The following ANKRD6 variants were observed in gnomAD, a reference collection of about 807,000 sequenced individuals.
ANKRD6 encodes the protein ankyrin repeat domain 6, also known as ankyrin repeat domain-containing protein 6.
Under a neutral mutation model 82.3 loss-of-function variants are expected in ANKRD6, and 56 were observed. The ratio of observed to expected loss-of-function variants is 0.68; its 90% CI spans 0.55 to 0.85. The LOEUF is 0.85. Ranked by LOEUF, ANKRD6 falls within the 40% of genes least tolerant of loss-of-function variation. The pLI is 0.00. For missense variants in ANKRD6, 852 were observed against 907.6 expected (o/e 0.94, Z 0.79); for synonymous variants, 347 against 352.1 (o/e 0.99, Z 0.16).
intron 2 of ANKRD6, among the ~76,000 whole-genome samples, chr6:89,567,435 G>A (rs1788778732): frequency 6.6e-6 from 1 of 152,160 alleles, no homozygotes. Context: ...CTCCCGGGGA[G>A]GTGGACCAGC....
At chr6:89,462,915 C>A (rs1362906586) in intron 1 of ANKRD6, among the ~76,000 whole-genome samples, 1 of 149,832 alleles carries the variant, frequency 6.7e-6, no homozygotes. Flanking sequence ...TGTTACCCAG[C>A]CTGAAATGCA....
At chr6:89,609,163 A>G (rs904928572) in intron 5 of ANKRD6, among the ~76,000 whole-genome samples, 1 of 152,226 alleles carries the variant, frequency 6.6e-6, no homozygotes, top group Non-Finnish European at 1.5e-5. Flanking sequence ...CTCATGGATC[A>G]AAAGCTTGAG....
chr6:89,606,852 CGTGGGGGCAG>C (rs2128194060), intron 5 of ANKRD6, among the ~76,000 whole-genome samples: 1 of 115,528 alleles, frequency 8.7e-6, no homozygotes, highest in East Asian at 2.8e-4. Flanking sequence ...GAGAGACTGT[CGTGGGGGCAG>C]GTGGGGGCGG....
intron 1 of ANKRD6, among the ~76,000 whole-genome samples, chr6:89,558,004 GTAA>G (rs1786858943): frequency 6.6e-6 from 1 of 152,076 alleles, no homozygotes; most frequent in African/African-American, 2.4e-5. Flanking sequence ...ATATTATAAT[GTAA>G]TAATAGAAAT....
At chr6:89,465,735 T>C (rs1307731281) in intron 1 of ANKRD6, among the ~76,000 whole-genome samples, 11 of 152,134 alleles carry the variant, frequency 7.2e-5, no homozygotes, top group Admixed American at 6.6e-4. Context: ...TGGTAGCACA[T>C]ACCTGTGGTC....
At chr6:89,588,459 A>C (rs1794216336) in intron 2 of ANKRD6, among the ~76,000 whole-genome samples, 1 of 152,208 alleles carries the variant, frequency 6.6e-6, no homozygotes, top group Admixed American at 6.5e-5. Flanking sequence ...TCTTGAAGAA[A>C]AGAAGCTTTA....
chr6:89,551,716 G>C (rs1420224538), intron 1 of ANKRD6, among the ~76,000 whole-genome samples: 1 of 152,196 alleles, frequency 6.6e-6, no homozygotes, highest in Non-Finnish European at 1.5e-5. Context: ...AGAGTCTTAA[G>C]CTTTGTAATT....
At chr6:89,471,161 G>A (rs1360372011) in intron 1 of ANKRD6, among the ~76,000 whole-genome samples, 1 of 151,788 alleles carries the variant, frequency 6.6e-6, no homozygotes, top group Non-Finnish European at 1.5e-5. Context: ...GACCACCCTG[G>A]CCAACATGGC....
chr6:89,521,125 G>C (rs1781835581), intron 1 of ANKRD6, among the ~76,000 whole-genome samples: 1 of 152,174 alleles, frequency 6.6e-6, no homozygotes, highest in African/African-American at 2.4e-5. Flanking sequence ...TTTTAAATAA[G>C]TATTAAAACT....
chr6:89,518,538 A>C (rs1428064616), intron 1 of ANKRD6, among the ~76,000 whole-genome samples: 1 of 152,190 alleles, frequency 6.6e-6, no homozygotes, highest in Non-Finnish European at 1.5e-5. Context: ...TTCCCTGAGG[A>C]AGAAATGATG....
intron 12 of ANKRD6, 164 bp from the exon 13 acceptor site, chr6:89,624,375 C>T (rs1804834096): frequency 2.2e-6 from 2 of 891,906 alleles, no homozygotes; most frequent in South Asian, 3.6e-5. Flanking sequence ...GTCTGCTACA[C>T]CCAAAATTTG....
At chr6:89,621,037 T>C (rs1337445081) in intron 9 of ANKRD6, among the ~76,000 whole-genome samples, 6 of 151,988 alleles carry the variant, frequency 3.9e-5, no homozygotes, top group African/African-American at 1.2e-4. Flanking sequence ...CCACTGCACT[T>C]CAGCCTGGGG....
intron 1 of ANKRD6, among the ~76,000 whole-genome samples, chr6:89,554,117 T>C (rs1230908127): frequency 1.3e-5 from 2 of 152,202 alleles, no homozygotes; most frequent in African/African-American, 4.8e-5. Flanking sequence ...TAGAAGGCAT[T>C]CCTATTTCCT....
intron 1 of ANKRD6, among the ~76,000 whole-genome samples, chr6:89,507,532 A>G (rs1039188727): frequency 1.3e-5 from 2 of 152,236 alleles, no homozygotes; most frequent in Non-Finnish European, 2.9e-5. Flanking sequence ...GAATTAAGCT[A>G]GCCTAATTAG....
intron 1 of ANKRD6, among the ~76,000 whole-genome samples, chr6:89,465,370 C>T (rs903302290): frequency 6.6e-6 from 1 of 152,036 alleles, no homozygotes; most frequent in Non-Finnish European, 1.5e-5. Flanking sequence ...ATCCGCCCAC[C>T]TCAGCCTCCC....
At position 89,609,123 on chromosome 6, in the gene ANKRD6, C is replaced by T. The variant is rs1163101219; in HGVS notation, c.417+3018C>T. On this transcript the variant is annotated intron_variant, in intron 5 of 15. Coordinates refer to ENST00000339746, the MANE Select transcript of ANKRD6 (RefSeq NM_001242809.2). ...GGCACCGCATGCAGCTTTGTGCTGT[C>T]GTTTCCTAGTTCATATTTTTCATGG... 4.6e-5 allele frequency among the ~76,000 whole-genome samples: 7 copies of T among 152,280 alleles called. No homozygotes were observed. In the South Asian group the frequency reaches 8.3e-4, roughly 18 times the overall value.
At chr6:89,494,432 G>A (rs1270217711) in intron 1 of ANKRD6, among the ~76,000 whole-genome samples, 1 of 152,176 alleles carries the variant, frequency 6.6e-6, no homozygotes, top group Non-Finnish European at 1.5e-5. Context: ...CAAGGATGGG[G>A]ACTAATACTG....
chr6:89,513,124 A>C (rs1780755214), intron 1 of ANKRD6, among the ~76,000 whole-genome samples: 1 of 152,030 alleles, frequency 6.6e-6, no homozygotes, highest in South Asian at 2.1e-4. Context: ...ACAGAGACTC[A>C]CTATGTTGCC....
At chr6:89,453,893 A>G (rs1773192422) in intron 1 of ANKRD6, among the ~76,000 whole-genome samples, 2 of 151,780 alleles carry the variant, frequency 1.3e-5, no homozygotes, top group Admixed American at 6.6e-5. Context: ...GCTCAGCCTC[A>G]TGGGTTCACG....
Sources: allele counts gnomAD v4.1 joint callset (sites outside exome capture counted in the v4.1 genomes callset), GRCh38; gene constraint gnomAD v4.1.1; transcripts MANE v1.5; gene names NCBI Gene and HGNC (gene_info 2026-07-23, HGNC 2026-07-21).